The following TDRD7 variants were observed in gnomAD, a reference collection of about 807,000 sequenced individuals.
TDRD7 encodes the protein tudor domain containing 7.
A neutral mutation model predicts 109.8 loss-of-function variants in TDRD7; 47 were observed. That is an observed-to-expected ratio of 0.43 (90% confidence interval 0.34 to 0.55). The LOEUF is 0.55. Ranked by LOEUF, TDRD7 falls within the 20% of genes least tolerant of loss-of-function variation. TDRD7 has a pLI of 0.03. For synonymous variants in TDRD7, 424 were observed against 457.3 expected (o/e 0.93, Z 0.93); for missense variants, 1,164 against 1,319.2 (o/e 0.88, Z 1.82).
chr9:97,490,034 G>GCACACACA (rs139007849), intron 16 of TDRD7, among the ~76,000 whole-genome samples: 4 of 151,054 alleles, frequency 2.6e-5, no homozygotes, highest in East Asian at 1.9e-4. Context: ...GTGCACACGT[G>GCACACACA]CACACACACA....
chr9:97,464,807 A>G (rs1459306776), intron 7 of TDRD7, 35 bp from the exon 8 acceptor site: 1 of 1,610,966 alleles, frequency 6.2e-7, no homozygotes, highest in Non-Finnish European at 8.5e-7. Flanking sequence ...CTTCTAGGTT[A>G]CTTCATTTGC....
chr9:97,463,571 T>G (rs761431148), intron 7 of TDRD7, among the ~76,000 whole-genome samples: 1 of 152,178 alleles, frequency 6.6e-6, no homozygotes, highest in Non-Finnish European at 1.5e-5. Context: ...CTCCCCTGTC[T>G]CCTGGGCCAA....
At chr9:97,427,850 T>C (rs903398537) in intron 1 of TDRD7, among the ~76,000 whole-genome samples, 11 of 152,210 alleles carry the variant, frequency 7.2e-5, no homozygotes, top group African/African-American at 2.7e-4. Flanking sequence ...CCATTTATCT[T>C]CTCCATTGCT....
rs903893808 is a variant in TDRD7, at chr9:97,483,149, G to A, written c.2713G>A (p.Val905Ile). 2.4e-5 allele frequency: 38 copies of A among 1,614,058 alleles called. No individual in the cohort carries two copies. The highest frequency in any genetic ancestry group is 3.1e-5 in the Non-Finnish European group (36 of 1,180,046). Reference sequence around the variant, plus strand: ...CTCCACAGAGGAACTGCCACCTCCTGTCCACTTATCAAAGCCAGGGGAACA... The same window carrying A: ...CTCCACAGAGGAACTGCCACCTCCTATCCACTTATCAAAGCCAGGGGAACA... The part of the protein sequence containing the change: ...AFSTEELPPP[V>I]HLSKPGEHMD... The change falls in exon 15 of 17, where the codon GTC becomes ATC. Residue 905 changes from valine to isoleucine, a missense_variant. Physicochemically the swap from Val to Ile is conservative, Grantham distance 29 (BLOSUM62 3). Coordinates refer to ENST00000355295, the MANE Select transcript of TDRD7 (RefSeq NM_014290.3).
chr9:97,433,958 A>C lies in TDRD7; in HGVS notation c.563+1720A>C, dbSNP rs183233915. Among the ~76,000 whole-genome samples, 201 of 152,306 alleles carry C rather than the reference A, an allele frequency of 1.3e-3. 1 individual carries two copies. The highest frequency in any genetic ancestry group is 6.8e-3 in the Middle Eastern group (2 of 294). ...ACAGCTATTATGGAAAACGGTATGG[A>C]GATTTCTCAAAAACTTAAAAAGAAC... On this transcript the variant is annotated intron_variant, in intron 4 of 16. Transcript: ENST00000355295.
At position 97,482,876 on chromosome 9, in the gene TDRD7, A is replaced by C. The variant is rs1255990961; in HGVS notation, c.2440A>C (p.Ile814Leu). ...TACAAAAGTGGATGAAACCAGAGGG[A>C]TCGCACATGTTTATTTATTTACCCC... ...KVTKVDETRGIAHVYLFTPKN... is the reference protein window; with the variant it reads ...KVTKVDETRGLAHVYLFTPKN... Residue 814 changes from isoleucine (I) to leucine (L), a missense_variant, in exon 15 of 17, where the codon ATC becomes CTC. Ile to Leu is a conservative substitution (Grantham distance 5). This residue lies in a region of TDRD7 where 233 missense variants were observed against 218.0 expected (regional missense o/e 1.07). Transcript: ENST00000355295. The C allele has an allele frequency of 1.9e-6, 3 of 1,614,010 alleles. No homozygotes were observed. The East Asian group carries it at 6.7e-5, about 36-fold the overall frequency.
chr9:97,436,900 T>C (rs930147872), intron 4 of TDRD7, among the ~76,000 whole-genome samples: 17 of 152,180 alleles, frequency 1.1e-4, no homozygotes, highest in African/African-American at 2.9e-4. Flanking sequence ...TTCAGAATAA[T>C]TGATTACCTC....
chr9:97,483,467 G>A, intron 15 of TDRD7, 116 bp downstream of exon 15: 1 of 1,238,458 alleles, frequency 8.1e-7, no homozygotes. Flanking sequence ...TTTTGAATGT[G>A]AAACAAACAC....
chr9:97,419,137 T>C (rs754820798), intron 1 of TDRD7, among the ~76,000 whole-genome samples: 2 of 152,218 alleles, frequency 1.3e-5, no homozygotes, highest in South Asian at 2.1e-4. Context: ...GTAATGCGTA[T>C]GTAGCTGATA....
chr9:97,484,290 T>G (rs1829173800), intron 15 of TDRD7, among the ~76,000 whole-genome samples: 1 of 152,202 alleles, frequency 6.6e-6, no homozygotes, highest in Non-Finnish European at 1.5e-5. Context: ...CCCAAAGCCC[T>G]GCAGGATGTG....
chr9:97,464,591 T>A (rs1828791375), intron 7 of TDRD7, among the ~76,000 whole-genome samples: 1 of 152,074 alleles, frequency 6.6e-6, no homozygotes, highest in East Asian at 1.9e-4. Flanking sequence ...CTCCTGACCT[T>A]GTGATCTGCC....
rs76925526 is a variant in TDRD7, at chr9:97,482,106, G to A, written c.2413-743G>A. 8.2e-3 allele frequency among the ~76,000 whole-genome samples: 1,244 copies of A among 152,246 alleles called. 43 individuals are homozygous for A. The East Asian group carries it at 0.11, about 13-fold the overall frequency. On this transcript the variant is annotated intron_variant, in intron 14 of 16. Transcript: ENST00000355295. ...GCTCCTTGGGACACACAGCAGTACA[G>A]TCCCAATTATTAATGTATGATATTT...
intron 12 of TDRD7, among the ~76,000 whole-genome samples, chr9:97,477,403 C>T (rs1433994496): frequency 6.6e-6 from 1 of 152,214 alleles, no homozygotes; most frequent in Non-Finnish European, 1.5e-5. Context: ...GTTACTCAGC[C>T]TTTCTTTGCT....
chr9:97,445,486 C>T (rs1254653798), intron 6 of TDRD7, among the ~76,000 whole-genome samples: 2 of 152,138 alleles, frequency 1.3e-5, no homozygotes, highest in Non-Finnish European at 2.9e-5. Context: ...AATGTCTAAA[C>T]AGGAGACTCT....
intron 13 of TDRD7, 90 bp downstream of exon 13, chr9:97,478,663 A>T (rs1278101618): frequency 6.4e-7 from 1 of 1,571,628 alleles, no homozygotes; most frequent in Non-Finnish European, 8.7e-7. Context: ...TTTTGATCTC[A>T]TTAATTTTTA....
At chr9:97,457,315 C>G (rs1470198888) in intron 6 of TDRD7, among the ~76,000 whole-genome samples, 2 of 152,118 alleles carry the variant, frequency 1.3e-5, no homozygotes, top group Non-Finnish European at 2.9e-5. Context: ...AATTCCATTA[C>G]TGGCTATGTA....
chr9:97,435,528 T>G (rs1587864915), intron 4 of TDRD7, among the ~76,000 whole-genome samples: 1 of 151,522 alleles, frequency 6.6e-6, no homozygotes, highest in African/African-American at 2.4e-5. Context: ...CTCAGCTGCT[T>G]GAGAGATTGA....
At chr9:97,475,272 GACT>G in intron 11 of TDRD7, 108 bp from the exon 12 acceptor site, 2 of 823,882 alleles carry the variant, frequency 2.4e-6, no homozygotes, top group Non-Finnish European at 4.2e-6. Flanking sequence ...CTGGAAGTCT[GACT>G]ACATGTCGGT....
At chr9:97,423,197 C>T (rs1481924559) in intron 1 of TDRD7, among the ~76,000 whole-genome samples, 1 of 152,144 alleles carries the variant, frequency 6.6e-6, no homozygotes, top group Non-Finnish European at 1.5e-5. Context: ...AATTCAAATT[C>T]TCTAATAGCT....
Sources: gnomAD v4.1 joint callset for allele counts (sites outside exome capture counted in the v4.1 genomes callset) on GRCh38, gnomAD v4.1.1 for gene constraint, gnomAD v4.1.1 regional missense constraint, MANE v1.5 for transcripts, NCBI Gene and HGNC (gene_info 2026-07-23, HGNC 2026-07-21) for gene names.